AXIN1: variants seen among roughly 807,000 people sequenced by gnomAD.
The protein encoded by AXIN1 is axin 1.
AXIN1 carries 30 observed loss-of-function variants against 76.4 expected under a neutral mutation model. That is an observed-to-expected ratio of 0.39 (90% CI 0.29 to 0.53). The LOEUF is 0.53. Ranked by LOEUF, AXIN1 falls within the 20% of genes least tolerant of loss-of-function variation. The probability of loss-of-function intolerance (pLI) is 0.66; values close to 1 mark genes in which losing one functional copy is unlikely to be tolerated. For missense variants in AXIN1, 1,140 were observed against 1,198.8 expected, an observed-to-expected ratio of 0.95 and a Z score of 0.72; for synonymous variants, 545 against 501.4, an observed-to-expected ratio of 1.09 and a Z score of -1.16.
At chr16:319,225 C>T (rs951276148) in intron 2 of AXIN1, among the ~76,000 whole-genome samples, 1 of 152,094 alleles carries the variant, frequency 6.6e-6, no homozygotes, top group African/African-American at 2.4e-5. Context: ...AGAATCCCAG[C>T]GACTTGGGAG....
intron 4 of AXIN1, among the ~76,000 whole-genome samples, chr16:306,896 G>A (rs950450474): frequency 2.6e-5 from 4 of 152,222 alleles, no homozygotes; most frequent in African/African-American, 4.8e-5. Context: ...GATGTGGGCC[G>A]GTGTGTCCGG....
At chr16:334,605 C>T (rs2053765767) in intron 2 of AXIN1, among the ~76,000 whole-genome samples, 1 of 150,440 alleles carries the variant, frequency 6.6e-6, no homozygotes. Flanking sequence ...TACCATGGCA[C>T]ACTGATAACA....
rs1238784037 is a variant in AXIN1, at chr16:352,394, G to A, written c.-107C>T. The A allele has an allele frequency of 2.1e-6, 2 of 964,236 alleles. No homozygotes were observed. Among genetic ancestry groups the A allele is most frequent in the Non-Finnish European group, 2.4e-6 (2 of 821,866 alleles). 59.7% of individuals were successfully genotyped at this position (964,236 alleles called of 1,614,324 possible). ...CCGCGCGCGGTGGTGGCGGGACCCC[G>A]GGCCCGGCTCCCGGAGCGGCGCGGC... On this transcript the variant is annotated 5_prime_UTR_variant, in exon 1 of 11. Transcript: ENST00000262320.
Position 287,932 on chromosome 16 carries a change from G to A in AXIN1, c.*190C>T. On this transcript the variant is annotated 3_prime_UTR_variant, in exon 11 of 11. Coordinates refer to ENST00000262320, the MANE Select transcript of AXIN1 (RefSeq NM_003502.4). The stretch of plus-strand genomic sequence containing the variant: ...AGTGGTCCAGGCTGCCTCCTTGGGG[G>A]CAGGACAGAAGCTTGTGGACCACTT... The A allele has an allele frequency of 2.2e-6, 2 of 909,304 alleles. No individual in the cohort carries two copies. The highest frequency in any genetic ancestry group is 3.5e-6 in the Non-Finnish European group (2 of 577,670). The allele number at this position is 909,304 out of a possible 1,614,324, so 56.3% of individuals were successfully genotyped here.
At chr16:288,598 G>A (rs1567255332) in intron 10 of AXIN1, among the ~76,000 whole-genome samples, 1 of 152,220 alleles carries the variant, frequency 6.6e-6, no homozygotes, top group African/African-American at 2.4e-5. Flanking sequence ...CCCAACTGGG[G>A]CCCTCCCTCA....
chr16:305,261 A>C (rs1292708753), intron 4 of AXIN1, among the ~76,000 whole-genome samples: 1 of 152,170 alleles, frequency 6.6e-6, no homozygotes, highest in Non-Finnish European at 1.5e-5. Flanking sequence ...TGAGCCCAGA[A>C]ATTAAGAGAC....
At chr16:347,143 G>A in intron 1 of AXIN1, 37 bp from the exon 2 acceptor site, 5 of 1,576,042 alleles carry the variant, frequency 3.2e-6, no homozygotes, top group Non-Finnish European at 4.3e-6. Context: ...ATTAGGAAAG[G>A]TGGGTCCATG....
rs866706802 is a variant in AXIN1 at position 297,156 on chromosome 16, C to A, written c.1855G>T (p.Val619Leu). The A allele has an allele frequency of 6.2e-7, 1 of 1,612,328 alleles. No homozygotes were observed. Among genetic ancestry groups the A allele is most frequent in the Middle Eastern group, 1.6e-4 (1 of 6,062 alleles). The change falls in exon 7 of 11, where the codon GTG (valine) becomes TTG (leucine). Residue 619 changes from valine (V) to leucine (L), a missense_variant. By Grantham distance (32) the Val-to-Leu change is conservative. This residue lies in a region of AXIN1 where 429 missense variants were observed against 405.8 expected (regional missense o/e 1.06). Coordinates refer to ENST00000262320, the MANE Select transcript of AXIN1 (RefSeq NM_003502.4). Reference protein sequence around the residue: ...AESGKSASTEVPGASEDAEKN... With the variant: ...AESGKSASTELPGASEDAEKN... ...TCCGCATCCTCCGAGGCACCTGGCA[C>A]CTCGGTGCTGGCGCTCTTCCCCGAC...
At chr16:296,980 G>A (rs2052727351) in intron 7 of AXIN1, 76 bp downstream of exon 7, 1 of 1,512,854 alleles carries the variant, frequency 6.6e-7, no homozygotes, top group Non-Finnish European at 9.1e-7. Flanking sequence ...CACTGAAGCT[G>A]CACACACTGA....
intron 2 of AXIN1, among the ~76,000 whole-genome samples, chr16:341,415 C>A (rs1038410315): frequency 6.6e-6 from 1 of 152,268 alleles, no homozygotes; most frequent in Admixed American, 6.5e-5. Flanking sequence ...GGGCCAGCGG[C>A]TGCGGAGGGT....
At position 297,120 on chromosome 16, in the gene AXIN1, T is replaced by G; in HGVS notation, c.1891A>C (p.Lys631Gln). Residue 631 changes from lysine to glutamine, a missense_variant, in exon 7 of 11, where the codon AAA (lysine) becomes CAA (glutamine). Around this residue, in one of 3 missense-constraint regions of AXIN1, gnomAD observed 429 missense variants for 405.8 expected, o/e 1.06. Transcript: ENST00000262320. ...GASEDAEKNQ[K>Q]IMQWIIEGEK... is the part of the protein sequence containing the mutation. ...CCCTCAATGATCCACTGCATGATTT[T>G]CTGGTTCTTCTCCGCATCCTCCGAG... 1.2e-6 allele frequency: 2 copies of G among 1,612,870 alleles called. No homozygotes were observed. The highest frequency in any genetic ancestry group is 2.2e-5 in the South Asian group (2 of 91,086).
At position 324,860 on chromosome 16, in the gene AXIN1, G is replaced by A. The variant is rs545324774; in HGVS notation, c.879-10177C>T. ...CCCAGGCCCAGCCCCCGAGTCCCGC[G>A]CAGGGAAAGGCTCTGCCCAAGCCTT... On this transcript the variant is annotated intron_variant, in intron 2 of 10. Coordinates refer to ENST00000262320, the MANE Select transcript of AXIN1 (RefSeq NM_003502.4). 2.6e-5 allele frequency among the ~76,000 whole-genome samples: 4 copies of A among 152,316 alleles called. No individual in the cohort carries two copies. The South Asian group carries it at 8.3e-4, about 32-fold the overall frequency.
rs2052754001 is a variant in AXIN1 at position 297,750 on chromosome 16, G to A, written c.1756C>T (p.Pro586Ser). 6.3e-7 allele frequency: 1 copy of A among 1,598,338 alleles called. No individual in the cohort carries two copies. ...TGGGCGAGGCCATCACTGGCGTTGG[G>A]GGCAGCGCCAACACTCTCTGAGTAG... ...RGYSESVGAA[P>S]NASDGLAHSG... The change falls in exon 6 of 11, where the codon CCC becomes TCC. Residue 586 changes from proline to serine, a missense_variant. Pro to Ser is a moderately conservative substitution (Grantham distance 74, BLOSUM62 -1). Transcript: ENST00000262320.
At chr16:324,150 T>A (rs932739827) in intron 2 of AXIN1, among the ~76,000 whole-genome samples, 1 of 144,972 alleles carries the variant, frequency 6.9e-6, no homozygotes, top group Non-Finnish European at 1.5e-5. Flanking sequence ...GCAGCCTCCA[T>A]GAGGGGCAGA....
At chr16:304,213 G>A (rs955184097) in intron 5 of AXIN1, 91 bp downstream of exon 5, 26 of 1,591,026 alleles carry the variant, frequency 1.6e-5, no homozygotes, top group African/African-American at 8.0e-5. Context: ...GGCCAGCCCC[G>A]GGCATCCCCA....
Position 302,828 on chromosome 16 carries a change from A to G in AXIN1, c.1254+1476T>C, listed in dbSNP as rs533327565. Among the ~76,000 whole-genome samples, 20 of 152,224 alleles carry G rather than the reference A, an allele frequency of 1.3e-4. No individual in the cohort carries two copies. In the South Asian group the frequency reaches 4.1e-3, roughly 32 times the overall value. On this transcript the variant is annotated intron_variant, in intron 5 of 10. Transcript: ENST00000262320. ...AAGGAGAATGAAGGACCACCCCCCG[A>G]CTCGATGGTGCCCACTGACCTCCCA... is the stretch of plus-strand genomic sequence containing the variant.
intron 4 of AXIN1, among the ~76,000 whole-genome samples, chr16:309,056 C>T (rs1000581078): frequency 2.0e-5 from 3 of 152,150 alleles, no homozygotes; most frequent in Non-Finnish European, 2.9e-5. Context: ...CAGTGCGTTG[C>T]GCAGTGGCTC....
At chr16:345,893 A>G (rs749022273) in intron 2 of AXIN1, among the ~76,000 whole-genome samples, 1 of 152,228 alleles carries the variant, frequency 6.6e-6, no homozygotes, top group Non-Finnish European at 1.5e-5. Context: ...ACTTCTAAGA[A>G]TTCCGATGTT....
intron 2 of AXIN1, among the ~76,000 whole-genome samples, chr16:340,717 G>A (rs2053899683): frequency 6.6e-6 from 1 of 152,264 alleles, no homozygotes; most frequent in Non-Finnish European, 1.5e-5. Flanking sequence ...GGGGGAGCCA[G>A]GGAGGAACCC....
Sources: allele counts gnomAD v4.1 joint callset (sites outside exome capture counted in the v4.1 genomes callset), GRCh38; gene constraint gnomAD v4.1.1; regional missense constraint gnomAD v4.1.1; transcripts MANE v1.5; gene names NCBI Gene and HGNC (gene_info 2026-07-23, HGNC 2026-07-21).